Variants in RIMS2 observed in about 807,000 individuals in gnomAD.
RIMS2 encodes the protein regulating synaptic membrane exocytosis protein 2.
Under a neutral mutation model 174.4 loss-of-function variants are expected in RIMS2, and 59 were observed. The ratio of observed to expected loss-of-function variants is 0.34; its 90% CI spans 0.27 to 0.42. The LOEUF (loss-of-function observed/expected upper bound fraction) is 0.42. Ranked by LOEUF, RIMS2 falls within the 10% of genes least tolerant of loss-of-function variation. RIMS2 has a pLI of 1.00. For synonymous variants in RIMS2, 606 were observed against 572.5 expected (o/e 1.06, Z -0.84); for missense variants, 1,620 against 1,666.3 (o/e 0.97, Z 0.48).
chr8:104,118,354 G>GTTTGTTTTTTTTTT (rs1566516268), intron 19 of RIMS2, among the ~76,000 whole-genome samples: 1 of 108,498 alleles, frequency 9.2e-6, no homozygotes, highest in African/African-American at 4.1e-5. Flanking sequence ...TTTATTTTTT[G>GTTTGTTTTTTTTTT]TTTTTTTGTT....
chr8:103,813,903 T>C (rs1198648820), intron 3 of RIMS2, among the ~76,000 whole-genome samples: 4 of 152,190 alleles, frequency 2.6e-5, no homozygotes, highest in African/African-American at 9.7e-5. Flanking sequence ...TTTATAATCC[T>C]TTGGGTGTAT....
At chr8:104,222,910 A>AT (rs2099161953) in intron 19 of RIMS2, among the ~76,000 whole-genome samples, 1 of 152,162 alleles carries the variant, frequency 6.6e-6, no homozygotes, top group Non-Finnish European at 1.5e-5. Flanking sequence ...ACTTTTTATC[A>AT]TTTTTAACAA....
chr8:104,242,051 T>C (rs1001942089), intron 19 of RIMS2, among the ~76,000 whole-genome samples: 1 of 152,174 alleles, frequency 6.6e-6, no homozygotes, highest in African/African-American at 2.4e-5. Context: ...TGAGCCATCA[T>C]GCCCAGCCTA....
chr8:104,158,797 C>T (rs1484447044), intron 19 of RIMS2, among the ~76,000 whole-genome samples: 1 of 151,898 alleles, frequency 6.6e-6, no homozygotes, highest in East Asian at 1.9e-4. Flanking sequence ...GGATATTAAC[C>T]CTTTTTCAGA....
intron 1 of RIMS2, among the ~76,000 whole-genome samples, chr8:103,623,177 T>A (rs966554939): frequency 6.6e-6 from 1 of 152,118 alleles, no homozygotes; most frequent in Non-Finnish European, 1.5e-5. Flanking sequence ...GGCTTCTGAG[T>A]CAAGCAGACT....
At chr8:104,201,141 C>T (rs897498875) in intron 19 of RIMS2, among the ~76,000 whole-genome samples, 2 of 152,104 alleles carry the variant, frequency 1.3e-5, no homozygotes, top group African/African-American at 4.8e-5. Flanking sequence ...CACCCTCTCC[C>T]CTCAAGTAGG....
intron 19 of RIMS2, among the ~76,000 whole-genome samples, chr8:104,117,995 A>G (rs903182600): frequency 1.3e-5 from 2 of 152,204 alleles, no homozygotes; most frequent in African/African-American, 2.4e-5. Context: ...AAGAACTTAA[A>G]TAGAACTGGA....
intron 3 of RIMS2, among the ~76,000 whole-genome samples, chr8:103,848,720 T>G (rs550299236): frequency 6.6e-6 from 1 of 152,178 alleles, no homozygotes; most frequent in East Asian, 1.9e-4. Context: ...GATTGTGTCA[T>G]GTTCTGGACC....
intron 19 of RIMS2, among the ~76,000 whole-genome samples, chr8:104,142,554 G>T (rs2098594117): frequency 6.6e-6 from 1 of 152,054 alleles, no homozygotes; most frequent in Non-Finnish European, 1.5e-5. Flanking sequence ...GGAATTTTTG[G>T]CATTAACAAG....
At chr8:103,907,628 T>A (rs937169545) in intron 4 of RIMS2, among the ~76,000 whole-genome samples, 1 of 152,176 alleles carries the variant, frequency 6.6e-6, no homozygotes, top group Admixed American at 6.5e-5. Context: ...TCATACCTTA[T>A]TTTACCCTCT....
intron 3 of RIMS2, among the ~76,000 whole-genome samples, chr8:103,787,487 C>G (rs1412852870): frequency 9.1e-4 from 137 of 151,130 alleles, no homozygotes; most frequent in African/African-American, 3.2e-3. Context: ...AATCTCTCAG[C>G]ATTTGCTTGT....
intron 17 of RIMS2, among the ~76,000 whole-genome samples, chr8:103,990,842 G>A (rs529746847): frequency 6.6e-6 from 1 of 151,928 alleles, no homozygotes; most frequent in East Asian, 1.9e-4. Context: ...AATGGACTTT[G>A]TTTTCTTTAA....
intron 1 of RIMS2, among the ~76,000 whole-genome samples, chr8:103,578,535 A>G (rs987078531): frequency 1.3e-5 from 2 of 150,838 alleles, no homozygotes; most frequent in African/African-American, 2.5e-5. Context: ...TGTCAAAACA[A>G]AAAACAAAAA....
intron 16 of RIMS2, among the ~76,000 whole-genome samples, chr8:103,988,008 A>G (rs1180788134): frequency 6.6e-6 from 1 of 152,240 alleles, no homozygotes; most frequent in Non-Finnish European, 1.5e-5. Context: ...TAATTTATAA[A>G]TCTAATGCCA....
intron 22 of RIMS2, among the ~76,000 whole-genome samples, chr8:104,250,548 TGCCTCTTA>T (rs2099355799): frequency 6.6e-6 from 1 of 152,202 alleles, no homozygotes; most frequent in African/African-American, 2.4e-5. Context: ...TCTAATTAGT[TGCCTCTTA>T]GCTAATTTGA....
intron 15 of RIMS2, among the ~76,000 whole-genome samples, chr8:103,964,652 G>A (rs937717556): frequency 7.2e-5 from 11 of 152,062 alleles, no homozygotes; most frequent in Non-Finnish European, 7.4e-5. Context: ...GTCTTTTGCA[G>A]AGCAGTTTTA....
chr8:103,785,796 G>C (rs1172227055), intron 3 of RIMS2, among the ~76,000 whole-genome samples: 1 of 152,210 alleles, frequency 6.6e-6, no homozygotes, highest in Admixed American at 6.5e-5. Flanking sequence ...AAAAGAGTTA[G>C]GGAGGATTCC....
chr8:104,041,263 G>A, intron 19 of RIMS2, 63 bp from the exon 22 acceptor site: 1 of 586,130 alleles, frequency 1.7e-6, no homozygotes, highest in South Asian at 2.2e-5. Flanking sequence ...TTTACCTTTT[G>A]AGTACATCCA....
intron 3 of RIMS2, among the ~76,000 whole-genome samples, chr8:103,773,366 TA>T (rs931268905): frequency 1.3e-5 from 2 of 152,172 alleles, no homozygotes; most frequent in East Asian, 1.9e-4. Context: ...AAGCTGTTTA[TA>T]AAAAAATATG....
Sources: gnomAD v4.1 joint callset for allele counts (sites outside exome capture counted in the v4.1 genomes callset) on GRCh38, gnomAD v4.1.1 for gene constraint, MANE v1.5 for transcripts, NCBI Gene and HGNC (gene_info 2026-07-23, HGNC 2026-07-21) for gene names.